FAM227B: variants seen among roughly 807,000 people sequenced by gnomAD.
The protein encoded by FAM227B is family with sequence similarity 227 member B.
A neutral mutation model predicts 73.8 loss-of-function variants in FAM227B; 88 were observed. The ratio of observed to expected loss-of-function variants is 1.19; its 90% CI spans 1.00 to 1.42. The LOEUF (loss-of-function observed/expected upper bound fraction) is 1.42. FAM227B is among the 40% of genes most tolerant of loss of function. The pLI, the probability that FAM227B is intolerant of heterozygous loss-of-function variation, is 0.00. For missense variants in FAM227B, 632 were observed against 590.9 expected, an observed-to-expected ratio of 1.07 and a Z score of -0.72; for synonymous variants, 210 against 190.5, an observed-to-expected ratio of 1.10 and a Z score of -0.84.
intron 9 of FAM227B, among the ~76,000 whole-genome samples, chr15:49,550,141 G>A (rs537253310): frequency 2.5e-4 from 37 of 145,706 alleles, no homozygotes; most frequent in African/African-American, 5.9e-4. Flanking sequence ...CGGACGGGGC[G>A]GCTGGCCGGG....
chr15:49,584,974 T>A (rs1033246082), intron 5 of FAM227B, among the ~76,000 whole-genome samples: 2 of 151,894 alleles, frequency 1.3e-5, no homozygotes, highest in South Asian at 4.2e-4. Context: ...GAATCTACAA[T>A]GAACTCAAAC....
At chr15:49,612,724 AAC>A (rs1171365816) in intron 2 of FAM227B, among the ~76,000 whole-genome samples, 1 of 152,200 alleles carries the variant, frequency 6.6e-6, no homozygotes, top group Non-Finnish European at 1.5e-5. Flanking sequence ...TATTTATTAA[AAC>A]ACATATTTCA....
intron 4 of FAM227B, among the ~76,000 whole-genome samples, chr15:49,588,429 T>C (rs1196812432): frequency 6.7e-6 from 1 of 150,266 alleles, no homozygotes; most frequent in Non-Finnish European, 1.5e-5. Context: ...CATGGTCACC[T>C]TAATTTCAAT....
At chr15:49,348,756 G>A (rs1480534112) in intron 13 of FAM227B, among the ~76,000 whole-genome samples, 1 of 152,104 alleles carries the variant, frequency 6.6e-6, no homozygotes. Context: ...CATTCAAAAG[G>A]TTTGGCTTTT....
intron 9 of FAM227B, among the ~76,000 whole-genome samples, chr15:49,555,103 A>G (rs2073505028): frequency 6.6e-6 from 1 of 152,198 alleles, no homozygotes; most frequent in Admixed American, 6.5e-5. Flanking sequence ...ATATATGCAG[A>G]TTTAATGCAG....
intron 11 of FAM227B, among the ~76,000 whole-genome samples, chr15:49,394,676 CAA>C (rs1282570128): frequency 2.0e-5 from 3 of 151,914 alleles, no homozygotes; most frequent in East Asian, 1.9e-4. Context: ...GGAAGAATTG[CAA>C]AAGAGTTGAA....
chr15:49,447,474 T>C (rs1490315339), intron 11 of FAM227B, among the ~76,000 whole-genome samples: 2 of 151,648 alleles, frequency 1.3e-5, no homozygotes, highest in African/African-American at 4.8e-5. Context: ...GCAGCTAGTA[T>C]AGAAATCATG....
chr15:49,378,163 C>A (rs2046292152), intron 11 of FAM227B, among the ~76,000 whole-genome samples: 2 of 151,964 alleles, frequency 1.3e-5, no homozygotes, highest in Non-Finnish European at 2.9e-5. Context: ...AAAATGAGTT[C>A]ACTGTAGGTG....
At chr15:49,388,452 A>G (rs1294708511) in intron 11 of FAM227B, among the ~76,000 whole-genome samples, 1 of 151,986 alleles carries the variant, frequency 6.6e-6, no homozygotes, top group Admixed American at 6.6e-5. Flanking sequence ...ATGAAACTGG[A>G]TTCCTATCTC....
At chr15:49,403,643 C>A (rs372279824) in intron 11 of FAM227B, among the ~76,000 whole-genome samples, 1 of 151,478 alleles carries the variant, frequency 6.6e-6, no homozygotes, top group African/African-American at 2.4e-5. Context: ...TTGTTTGGAT[C>A]TTCTCTCTTT....
chr15:49,578,180 T>C (rs993441880), intron 5 of FAM227B, among the ~76,000 whole-genome samples: 2 of 152,204 alleles, frequency 1.3e-5, no homozygotes, highest in African/African-American at 4.8e-5. Flanking sequence ...TAGCCAAGCC[T>C]TTCTGCTCCA....
intron 12 of FAM227B, among the ~76,000 whole-genome samples, chr15:49,369,210 G>A (rs2151467170): frequency 6.6e-6 from 1 of 152,130 alleles, no homozygotes; most frequent in East Asian, 1.9e-4. Context: ...GCCCACCTCG[G>A]CCTCCCAAAG....
chr15:49,427,171 C>G (rs1221195490), intron 11 of FAM227B, among the ~76,000 whole-genome samples: 1 of 151,910 alleles, frequency 6.6e-6, no homozygotes, highest in Non-Finnish European at 1.5e-5. Context: ...TGCTAATTGA[C>G]ACATGTGAAG....
At chr15:49,341,108 G>C (rs1224903757) in intron 13 of FAM227B, among the ~76,000 whole-genome samples, 1 of 152,088 alleles carries the variant, frequency 6.6e-6, no homozygotes, top group African/African-American at 2.4e-5. Flanking sequence ...TCTCTATTCT[G>C]TTTCATCAGT....
chr15:49,346,487 G>C (rs148705877), intron 13 of FAM227B, among the ~76,000 whole-genome samples: 1 of 152,120 alleles, frequency 6.6e-6, no homozygotes, highest in Admixed American at 6.5e-5. Context: ...GTAGATGTGA[G>C]AGCTGTTCTC....
At chr15:49,504,119 C>T (rs1461061210) in intron 11 of FAM227B, among the ~76,000 whole-genome samples, 1 of 152,038 alleles carries the variant, frequency 6.6e-6, no homozygotes, top group African/African-American at 2.4e-5. Context: ...AGTTCATGTC[C>T]TTTGTAGGGA....
chr15:49,328,420 TGATTTGAA>T lies in FAM227B; in HGVS notation c.*140_*147del. On this transcript the variant is annotated 3_prime_UTR_variant, in exon 16 of 16. Transcript: ENST00000299338. ...TTAAGAATAACTTACTGAGATTTATTGATTTGAAGATTTTAAAGATGAATGGTAAAACA... is the reference window on the plus strand; with the variant it reads ...TTAAGAATAACTTACTGAGATTTATTGATTTTAAAGATGAATGGTAAAACA... 7.0e-7 allele frequency: 1 copy of T among 1,437,450 alleles called. No individual in the cohort carries two copies. Among genetic ancestry groups the T allele is most frequent in the Non-Finnish European group, 9.1e-7 (1 of 1,097,542 alleles). 89.0% of individuals were successfully genotyped at this position (1,437,450 alleles called of 1,614,324 possible).
intron 11 of FAM227B, among the ~76,000 whole-genome samples, chr15:49,451,854 C>T (rs2052777943): frequency 6.6e-6 from 1 of 152,092 alleles, no homozygotes; most frequent in East Asian, 1.9e-4. Context: ...AAAACTAAGA[C>T]CCACTTTGTA....
In FAM227B at chr15:49,476,812, C is replaced by T. The variant is rs566513287; in HGVS notation, c.1012+31399G>A. 1.1e-3 allele frequency among the ~76,000 whole-genome samples: 174 copies of T among 152,268 alleles called. 1 individual carries two copies. The highest frequency in any genetic ancestry group is 5.1e-3 in the Admixed American group (78 of 15,302). The stretch of plus-strand genomic sequence containing the variant: ...TGGTGGCTCACGCCTGTAATCCCAG[C>T]ACTTTGGGAGGCTGAGGTGGGCAGA... On this transcript the variant is annotated intron_variant, in intron 11 of 15. Coordinates refer to ENST00000299338, the MANE Select transcript of FAM227B (RefSeq NM_152647.3).
Sources: gnomAD v4.1 joint callset for allele counts (sites outside exome capture counted in the v4.1 genomes callset) on GRCh38, gnomAD v4.1.1 for gene constraint, MANE v1.5 for transcripts, NCBI Gene and HGNC (gene_info 2026-07-23, HGNC 2026-07-21) for gene names.